Variants in TFDP2 observed in about 807,000 individuals in gnomAD.
The protein encoded by TFDP2 is transcription factor Dp-2 (E2F dimerization partner 2).
In TFDP2, 17 loss-of-function variants were observed where a neutral mutation model predicts 59.3. That is an observed-to-expected ratio of 0.29 (90% CI 0.20 to 0.43). The LOEUF (loss-of-function observed/expected upper bound fraction) is 0.43, where lower values mean the gene tolerates loss of function less well. Among genes scored for constraint, TFDP2 ranks in the 20% least tolerant of loss-of-function variants. The pLI, the probability that TFDP2 is intolerant of heterozygous loss-of-function variation, is 1.00. For synonymous variants in TFDP2, 180 were observed against 194.7 expected (o/e 0.92, Z 0.63); for missense variants, 391 against 528.8 (o/e 0.74, Z 2.56).
intron 5 of TFDP2, chr3:141,994,226 C>G (rs1187578293): frequency 6.6e-6 from 1 of 152,182 alleles, no homozygotes; most frequent in Non-Finnish European, 1.5e-5. Context: ...TATTAAAGCA[C>G]TTTGCCAGGA....
intron 6 of TFDP2, among the ~76,000 whole-genome samples, chr3:141,992,041 C>CA (rs563215187): frequency 0.022 from 951 of 43,494 alleles, 14 homozygotes; most frequent in African/African-American, 0.081. Context: ...GACTCCATCT[C>CA]AAAAAAAAAA....
intron 3 of TFDP2, among the ~76,000 whole-genome samples, chr3:142,053,253 G>A (rs1363356882): frequency 5.9e-5 from 9 of 152,150 alleles, no homozygotes; most frequent in Non-Finnish European, 4.4e-5. Context: ...GGCCTGATGG[G>A]GGTGTTTGGG....
Position 141,963,819 on chromosome 3 carries a change from T to C in TFDP2, c.877A>G (p.Ser293Gly). ...RKTVIDCSIS[S>G]DKFEYLFNFD... ...CCCTAGTTCTCCACTCACTTGTCAC[T>C]GGAGATGCTGCAATCTATGACTGTT... Residue 293 changes from serine to glycine, a missense_variant, in exon 10 of 13, where the codon AGT (serine) becomes GGT (glycine). Physicochemically the swap from Ser to Gly is moderately conservative, Grantham distance 56 (BLOSUM62 0). Around this residue, in one of 3 missense-constraint regions of TFDP2, gnomAD observed 223 missense variants for 292.5 expected, o/e 0.76. Coordinates refer to ENST00000489671, the MANE Select transcript of TFDP2 (RefSeq NM_001178139.2). The C allele has an allele frequency of 6.2e-7, 1 of 1,612,442 alleles. No homozygotes were observed. The highest frequency in any genetic ancestry group is 8.5e-7 in the Non-Finnish European group (1 of 1,179,478).
intron 3 of TFDP2, among the ~76,000 whole-genome samples, chr3:142,016,597 G>A (rs1278670165): frequency 6.6e-6 from 1 of 152,172 alleles, no homozygotes; most frequent in Non-Finnish European, 1.5e-5. Context: ...CACCACACCT[G>A]GCCAGATGGT....
At chr3:142,044,975 G>C (rs766515983) in intron 3 of TFDP2, among the ~76,000 whole-genome samples, 8 of 151,952 alleles carry the variant, frequency 5.3e-5, no homozygotes, top group Non-Finnish European at 1.2e-4. Flanking sequence ...CATCTCAGTT[G>C]GTTTCCTTCT....
intron 2 of TFDP2, among the ~76,000 whole-genome samples, chr3:142,096,238 CA>C (rs1205929823): frequency 5.9e-5 from 9 of 152,004 alleles, no homozygotes; most frequent in Admixed American, 5.9e-4. Context: ...TATATAAAAC[CA>C]AAATATATTT....
chr3:141,949,474 C>A lies in TFDP2; in HGVS notation c.*3039G>T, dbSNP rs1238035317. On this transcript the variant is annotated 3_prime_UTR_variant, in exon 13 of 13. Transcript: ENST00000489671. Reference sequence around the variant, plus strand: ...CCACAGGAAATAAGCACGTGGAGGACACAGACTGACAGCGGGGAAGAGGAA... The same window carrying A: ...CCACAGGAAATAAGCACGTGGAGGAAACAGACTGACAGCGGGGAAGAGGAA... The A allele has an allele frequency of 6.6e-6, 1 of 152,502 alleles. No homozygotes were observed. The highest frequency in any genetic ancestry group is 1.5e-5 in the Non-Finnish European group (1 of 68,300). 9.4% of individuals were successfully genotyped at this position (152,502 alleles called of 1,614,324 possible).
intron 3 of TFDP2, chr3:142,028,769 A>C: frequency 1.1e-6 from 1 of 952,300 alleles, no homozygotes; most frequent in Non-Finnish European, 1.3e-6. Flanking sequence ...TTCAAAAGAC[A>C]TATGAATACT....
In TFDP2 at chr3:141,950,801, G is replaced by A. The variant is rs1321201518; in HGVS notation, c.*1712C>T. 6.6e-6 allele frequency: 1 copy of A among 152,568 alleles called. No individual in the cohort carries two copies. The highest frequency in any genetic ancestry group is 1.5e-5 in the Non-Finnish European group (1 of 68,050). The allele number at this position is 152,568 out of a possible 1,614,324, so 9.5% of individuals were successfully genotyped here. On this transcript the variant is annotated 3_prime_UTR_variant, in exon 13 of 13. Coordinates refer to ENST00000489671, the MANE Select transcript of TFDP2 (RefSeq NM_001178139.2). ...CTGCTGTCACCTCCCCAGTGTTCCT[G>A]ACTGGTCTGAGAGGTGTGCTCCAGA...
chr3:142,133,951 T>C (rs957780298), intron 1 of TFDP2, among the ~76,000 whole-genome samples: 5 of 151,782 alleles, frequency 3.3e-5, no homozygotes, highest in African/African-American at 1.2e-4. Context: ...GAAGAATCAC[T>C]TGAACCCTGG....
intron 3 of TFDP2, among the ~76,000 whole-genome samples, chr3:142,015,383 A>C (rs1041444854): frequency 1.3e-5 from 2 of 152,134 alleles, no homozygotes; most frequent in African/African-American, 4.8e-5. Context: ...AACATATCCA[A>C]AATCTAACTC....
chr3:142,111,466 A>G (rs1273082867), intron 1 of TFDP2, among the ~76,000 whole-genome samples: 3 of 151,462 alleles, frequency 2.0e-5, no homozygotes, highest in Admixed American at 6.6e-5. Context: ...ATAAACATGT[A>G]AAATAGAGGA....
intron 1 of TFDP2, among the ~76,000 whole-genome samples, chr3:142,103,818 G>A (rs2061388462): frequency 6.6e-6 from 1 of 152,006 alleles, no homozygotes; most frequent in Non-Finnish European, 1.5e-5. Context: ...AGAAATGGGG[G>A]CTTCAAATGG....
chr3:142,139,919 C>G (rs545137291), intron 1 of TFDP2, among the ~76,000 whole-genome samples: 6 of 152,114 alleles, frequency 3.9e-5, no homozygotes, highest in African/African-American at 1.4e-4. Flanking sequence ...GCCTACCTTG[C>G]TAGGTTGGGG....
chr3:142,101,369 A>C (rs564584212), intron 2 of TFDP2, among the ~76,000 whole-genome samples: 224 of 152,126 alleles, frequency 1.5e-3, no homozygotes, highest in African/African-American at 5.2e-3. Flanking sequence ...AAAAAAAAAA[A>C]AAAAATAAGC....
At chr3:142,100,214 C>G (rs1168886029) in intron 2 of TFDP2, among the ~76,000 whole-genome samples, 1 of 152,248 alleles carries the variant, frequency 6.6e-6, no homozygotes, top group East Asian at 1.9e-4. Flanking sequence ...TCCTCACACA[C>G]TGTGCTGGAC....
chr3:142,060,909 T>C (rs891648996), intron 3 of TFDP2, among the ~76,000 whole-genome samples: 4 of 152,202 alleles, frequency 2.6e-5, no homozygotes, highest in African/African-American at 7.2e-5. Context: ...AACTTACTTA[T>C]TTGTCTTTGG....
At chr3:142,066,278 G>A (rs1348102404) in intron 3 of TFDP2, among the ~76,000 whole-genome samples, 1 of 152,160 alleles carries the variant, frequency 6.6e-6, no homozygotes, top group Non-Finnish European at 1.5e-5. Flanking sequence ...AACAATTGGT[G>A]CCACTATAAA....
intron 3 of TFDP2, among the ~76,000 whole-genome samples, chr3:142,041,607 T>A (rs1000800227): frequency 6.6e-6 from 1 of 152,242 alleles, no homozygotes; most frequent in Non-Finnish European, 1.5e-5. Flanking sequence ...CTTCTCTTTA[T>A]AAATTACCAA....
Sources: gnomAD v4.1 joint callset for allele counts (sites outside exome capture counted in the v4.1 genomes callset) on GRCh38, gnomAD v4.1.1 for gene constraint, gnomAD v4.1.1 regional missense constraint, MANE v1.5 for transcripts, NCBI Gene and HGNC (gene_info 2026-07-23, HGNC 2026-07-21) for gene names.